Variants in DERA observed in about 807,000 individuals in gnomAD.
DERA encodes 2-deoxy-D-ribose 5-phosphate aldolase.
A neutral mutation model predicts 41.1 loss-of-function variants in DERA; 15 were observed. That is an observed-to-expected ratio of 0.37 (90% CI 0.24 to 0.56). The LOEUF (loss-of-function observed/expected upper bound fraction) is 0.56, where lower values mean the gene tolerates loss of function less well. Among genes scored for constraint, DERA ranks in the 20% least tolerant of loss-of-function variants. DERA has a pLI of 0.81. For missense variants in DERA, 396 were observed against 403.4 expected, an observed-to-expected ratio of 0.98 and a Z score of 0.16; for synonymous variants, 139 against 137.4, an observed-to-expected ratio of 1.01 and a Z score of -0.08.
rs1949134885 is a variant in DERA, at chr12:16,037,167, G to A, written c.*421G>A. ...ACTGATTCAGCACTAATTTCCTGCT[G>A]TGAAAACTCATCTTTCATTTTTGCC... On this transcript the variant is annotated 3_prime_UTR_variant, in exon 9 of 9. Transcript: ENST00000428559. This position sits in a 1 kb window ranked among gnomAD's most constrained non-coding sequence, Gnocchi z 6.7. The A allele has an allele frequency of 6.5e-6, 1 of 154,130 alleles. No homozygotes were observed. The highest frequency in any genetic ancestry group is 1.4e-5 in the Non-Finnish European group (1 of 69,432). The allele number at this position is 154,130 out of a possible 1,614,324, so 9.5% of individuals were successfully genotyped here. A position where few individuals can be genotyped will look rare whatever the true frequency, so the allele number is the denominator to read the frequency against.
In DERA at chr12:15,985,706, T is replaced by C. The variant is rs1948759752; in HGVS notation, c.637+3270T>C. ...TTATGGATATCCTATTGTTGCTTTA[T>C]AATTTAAGATTTTGTTATCCTCAGA... On this transcript the variant is annotated intron_variant, in intron 6 of 8. Coordinates refer to ENST00000428559, the MANE Select transcript of DERA (RefSeq NM_015954.4). This position sits in a 1 kb window ranked among gnomAD's most constrained non-coding sequence, Gnocchi z 4.2. Among the ~76,000 whole-genome samples, 1 of 152,196 alleles carries C rather than the reference T, an allele frequency of 6.6e-6. No individual in the cohort carries two copies. The highest frequency in any genetic ancestry group is 1.5e-5 in the Non-Finnish European group (1 of 68,014).
chr12:15,950,698 T>C, intron 1 of DERA, among the ~76,000 whole-genome samples: 1 of 152,220 alleles, frequency 6.6e-6, no homozygotes, highest in East Asian at 1.9e-4. Context: ...TCAAATGTTT[T>C]ATTATCAGAT....
intron 1 of DERA, among the ~76,000 whole-genome samples, chr12:15,945,940 AG>A (rs1407171415): frequency 2.6e-5 from 4 of 152,226 alleles, no homozygotes; most frequent in African/African-American, 7.2e-5. Context: ...TTTAGCAAGA[AG>A]GGCTGTTGAA....
In DERA at chr12:16,007,265, C is replaced by A. The variant is rs11830327; in HGVS notation, c.637+24829C>A. ...GTGGCGCGATCTTGGCTCACTGCAA[C>A]CTCCGCCTCCGGGGTTCAAGTGATT... On this transcript the variant is annotated intron_variant, in intron 6 of 8. Coordinates refer to ENST00000428559, the MANE Select transcript of DERA (RefSeq NM_015954.4). Among the ~76,000 whole-genome samples, 556 of 150,580 alleles carry A rather than the reference C, an allele frequency of 3.7e-3. 5 individuals carry two copies. The highest frequency in any genetic ancestry group is 0.013 in the African/African-American group (534 of 41,082).
At position 15,982,639 on chromosome 12, in the gene DERA, G is replaced by T. The variant is rs1184661682; in HGVS notation, c.637+203G>T. ...TTCTTCCACATTTTTTTTTGTGTGTGTGTGGCATTTCATTGCTGCACTATG... is the reference window on the plus strand; with the variant it reads ...TTCTTCCACATTTTTTTTTGTGTGTTTGTGGCATTTCATTGCTGCACTATG... On this transcript the variant is annotated intron_variant, in intron 6 of 8. Transcript: ENST00000428559. The surrounding 1 kb of genome is among the most constrained non-coding windows in gnomAD (Gnocchi z 4.0). Among the ~76,000 whole-genome samples, 1 of 152,086 alleles carries T rather than the reference G, an allele frequency of 6.6e-6. No homozygotes were observed. The highest frequency in any genetic ancestry group is 1.5e-5 in the Non-Finnish European group (1 of 68,004).
Position 15,936,214 on chromosome 12 carries a change from G to T in DERA, c.32-20722G>T, listed in dbSNP as rs1485586231. ...TGAATACTAGGAGGAGAGAATCATT[G>T]TGGGTCATTTTTGAGGCTAGCTACC... On this transcript the variant is annotated intron_variant, in intron 1 of 8. Coordinates refer to ENST00000428559, the MANE Select transcript of DERA (RefSeq NM_015954.4). This position sits in a 1 kb window ranked among gnomAD's most constrained non-coding sequence, Gnocchi z 4.6. 6.6e-6 allele frequency among the ~76,000 whole-genome samples: 1 copy of T among 152,222 alleles called. No individual in the cohort carries two copies. The highest frequency in any genetic ancestry group is 1.5e-5 in the Non-Finnish European group (1 of 68,038).
rs1948175589 is a variant in DERA, at chr12:15,913,029, G to A, written c.31+1615G>A. Reference sequence around the variant, plus strand: ...GGATATGGGGCAGGTTTGGGGTGGTGTCTTACCTGGGTATTCCCAGGAATA... The same window carrying A: ...GGATATGGGGCAGGTTTGGGGTGGTATCTTACCTGGGTATTCCCAGGAATA... On this transcript the variant is annotated intron_variant, in intron 1 of 8. Coordinates refer to ENST00000428559, the MANE Select transcript of DERA (RefSeq NM_015954.4). This position sits in a 1 kb window ranked among gnomAD's most constrained non-coding sequence, Gnocchi z 4.5. 6.6e-6 allele frequency among the ~76,000 whole-genome samples: 1 copy of A among 152,166 alleles called. No individual in the cohort carries two copies. The highest frequency in any genetic ancestry group is 6.5e-5 in the Admixed American group (1 of 15,276).
At position 15,968,153 on chromosome 12, in the gene DERA, C is replaced by T. The variant is rs1327235467; in HGVS notation, c.508+5206C>T. On this transcript the variant is annotated intron_variant, in intron 5 of 8. Coordinates refer to ENST00000428559, the MANE Select transcript of DERA (RefSeq NM_015954.4). ...TACTTTAGGTGCCAGATAATGGAAACATTGTTGAATTTACATACAACAATG... is the reference window on the plus strand; with the variant it reads ...TACTTTAGGTGCCAGATAATGGAAATATTGTTGAATTTACATACAACAATG... Among the ~76,000 whole-genome samples the T allele has an allele frequency of 3.3e-5, 5 of 150,584 alleles. No homozygotes were observed. The South Asian group carries it at 8.4e-4, about 25-fold the overall frequency.
rs562866986 is a variant in DERA, at chr12:15,918,374, T to A, written c.31+6960T>A. ...ATGTCTTGCTCCCGCTTTGTGCAGATCCCCTCCTTGTTCTGATTGGACTCT... is the reference window on the plus strand; with the variant it reads ...ATGTCTTGCTCCCGCTTTGTGCAGAACCCCTCCTTGTTCTGATTGGACTCT... On this transcript the variant is annotated intron_variant, in intron 1 of 8. Coordinates refer to ENST00000428559, the MANE Select transcript of DERA (RefSeq NM_015954.4). The surrounding 1 kb of genome is among the most constrained non-coding windows in gnomAD (Gnocchi z 4.3). 1.3e-5 allele frequency among the ~76,000 whole-genome samples: 2 copies of A among 152,086 alleles called. No homozygotes were observed.
chr12:15,938,872 C>T lies in DERA; in HGVS notation c.32-18064C>T, dbSNP rs1948390242. ...GTAAAATTAAAAGTCTTCTCAATTT[C>T]ATTTCTTTCCAGTACAGAATGTAAG... On this transcript the variant is annotated intron_variant, in intron 1 of 8. Coordinates refer to ENST00000428559, the MANE Select transcript of DERA (RefSeq NM_015954.4). The surrounding 1 kb of genome is among the most constrained non-coding windows in gnomAD (Gnocchi z 4.1). Among the ~76,000 whole-genome samples, 1 of 152,168 alleles carries T rather than the reference C, an allele frequency of 6.6e-6. No homozygotes were observed. The highest frequency in any genetic ancestry group is 2.1e-4 in the South Asian group (1 of 4,824).
intron 1 of DERA, among the ~76,000 whole-genome samples, chr12:15,956,075 A>G (rs1298158071): frequency 6.6e-6 from 1 of 152,266 alleles, no homozygotes; most frequent in Admixed American, 6.5e-5. Context: ...TAGACACCCA[A>G]AGATGAGTAA....
At chr12:15,919,600 C>T (rs1948226500) in intron 1 of DERA, among the ~76,000 whole-genome samples, 1 of 152,180 alleles carries the variant, frequency 6.6e-6, no homozygotes, top group Non-Finnish European at 1.5e-5. Context: ...TTCTCCTCAG[C>T]CTGCCTCAGC....
In DERA at chr12:16,029,913, C is replaced by CTTTTTTTTTTTTTT. The variant is rs71438364; in HGVS notation, c.638-2615_638-2602dup. 1.3e-4 allele frequency among the ~76,000 whole-genome samples: 8 copies of CTTTTTTTTTTTTTT among 59,718 alleles called. 2 individuals are homozygous for CTTTTTTTTTTTTTT. Among genetic ancestry groups the CTTTTTTTTTTTTTT allele is most frequent in the Admixed American group, 2.8e-4 (1 of 3,532 alleles). 39.2% of individuals were successfully genotyped at this position (59,718 alleles called of 152,430 possible). On this transcript the variant is annotated intron_variant, in intron 6 of 8. Coordinates refer to ENST00000428559, the MANE Select transcript of DERA (RefSeq NM_015954.4). ...TCAGACCTCCAAATGTAGCCTTGGTCTTTTTTTTTTTTTTTTTTTTTTTTT... is the reference window on the plus strand; with the variant it reads ...TCAGACCTCCAAATGTAGCCTTGGTCTTTTTTTTTTTTTTTTTTTTTTTTTTTTTTTTTTTTTTT...
Position 15,972,506 on chromosome 12 carries a change from A to AG in DERA, c.508+9561dup, listed in dbSNP as rs143406979. 2,722 of 153,812 alleles carry AG rather than the reference A, an allele frequency of 0.018. 90 individuals carry two copies. The highest frequency in any genetic ancestry group is 0.063 in the African/African-American group (2,602 of 41,584). 9.5% of individuals were successfully genotyped at this position (153,812 alleles called of 1,614,324 possible). On this transcript the variant is annotated intron_variant, in intron 5 of 8. Coordinates refer to ENST00000428559, the MANE Select transcript of DERA (RefSeq NM_015954.4). The surrounding 1 kb of genome is among the most constrained non-coding windows in gnomAD (Gnocchi z 4.4). Reference sequence around the variant, plus strand: ...GCAGTTGTCCACCACCTCCTTGCCCAGGAAGTTTTGCGGGTAGCAGAAGCT... The same window carrying AG: ...GCAGTTGTCCACCACCTCCTTGCCCAGGGAAGTTTTGCGGGTAGCAGAAGCT...
intron 6 of DERA, among the ~76,000 whole-genome samples, chr12:16,030,773 G>T (rs1233400551): frequency 1.3e-5 from 2 of 152,068 alleles, no homozygotes; most frequent in Non-Finnish European, 2.9e-5. Context: ...GCTCACAAAG[G>T]CAGGAACTTT....
chr12:15,986,135 T>C (rs1948762616), intron 6 of DERA, among the ~76,000 whole-genome samples: 1 of 152,180 alleles, frequency 6.6e-6, no homozygotes, highest in Non-Finnish European at 1.5e-5. Context: ...TGTCTGAATG[T>C]CTACTAATGA....
Position 16,010,529 on chromosome 12 carries a change from G to T in DERA, c.638-22013G>T. On this transcript the variant is annotated intron_variant, in intron 6 of 8. Transcript: ENST00000428559. The surrounding 1 kb of genome is among the most constrained non-coding windows in gnomAD (Gnocchi z 5.5). ...TTTTGTTGAGGAATCAAGGTCTCCG[G>T]TGGTCGCCAAGTGAAAAGGAATAAA... 7.3e-6 allele frequency among the ~76,000 whole-genome samples: 1 copy of T among 137,572 alleles called. No homozygotes were observed. The highest frequency in any genetic ancestry group is 1.6e-5 in the Non-Finnish European group (1 of 63,144). 90.3% of individuals were successfully genotyped at this position (137,572 alleles called of 152,430 possible). A position where few individuals can be genotyped will look rare whatever the true frequency, so the allele number is the denominator to read the frequency against.
chr12:16,007,445 A>G (rs1948919945), intron 6 of DERA, among the ~76,000 whole-genome samples: 1 of 152,088 alleles, frequency 6.6e-6, no homozygotes, highest in African/African-American at 2.4e-5. Flanking sequence ...CAGCCTCCCA[A>G]AGTGTTGGGA....
chr12:16,021,057 G>A lies in DERA; in HGVS notation c.638-11485G>A, dbSNP rs1347933206. Among the ~76,000 whole-genome samples the A allele has an allele frequency of 6.6e-6, 1 of 152,246 alleles. No homozygotes were observed. Among genetic ancestry groups the A allele is most frequent in the Admixed American group, 6.5e-5 (1 of 15,288 alleles). On this transcript the variant is annotated intron_variant, in intron 6 of 8. Transcript: ENST00000428559. This position sits in a 1 kb window ranked among gnomAD's most constrained non-coding sequence, Gnocchi z 5.3. The stretch of plus-strand genomic sequence containing the variant: ...TCCCTGTGGTAGAGAAGGAATTCAA[G>A]CAGGCTGTGGAGCAACTGCTTGCTA...
Sources: allele counts gnomAD v4.1 joint callset (sites outside exome capture counted in the v4.1 genomes callset), GRCh38; gene constraint gnomAD v4.1.1; non-coding constraint Gnocchi (gnomAD v3.1); transcripts MANE v1.5; gene names NCBI Gene and HGNC (gene_info 2026-07-23, HGNC 2026-07-21).